The following INTS2 variants were observed in gnomAD, a reference collection of about 807,000 sequenced individuals.
INTS2 encodes the protein integrator complex subunit 2, also known as KIAA1287.
In INTS2, 57 loss-of-function variants were observed where a neutral mutation model predicts 139.6. The ratio of observed to expected loss-of-function variants is 0.41; its 90% CI spans 0.33 to 0.51. The LOEUF (loss-of-function observed/expected upper bound fraction) is 0.51, where lower values mean the gene tolerates loss of function less well. INTS2 is among the 20% of genes least tolerant of loss of function. The pLI is 0.28. For missense variants in INTS2, 1,196 were observed against 1,436.7 expected (o/e 0.83, Z 2.71); for synonymous variants, 473 against 493.4 (o/e 0.96, Z 0.55).
At chr17:61,910,031 T>C (rs1303120760) in intron 7 of INTS2, 2 of 152,194 alleles carry the variant, frequency 1.3e-5, no homozygotes, top group African/African-American at 4.8e-5. Context: ...GCAGTTCTAC[T>C]CTAAGTTCAC....
In INTS2 at chr17:61,897,444, TAGAAAGAA is replaced by T; in HGVS notation, c.1494+17_1494+24del. On this transcript the variant is annotated intron_variant, in intron 11 of 24. Coordinates refer to ENST00000251334, the MANE Select transcript of INTS2 (RefSeq NM_001351695.2). This position sits in a 1 kb window ranked among gnomAD's most constrained non-coding sequence, Gnocchi z 4.4. ...CAGCTTAGAAACACCTTTTTTTTTT[TAGAAAGAA>T]GTTAAAAGAAAATTACCTTCATCCC... is the stretch of plus-strand genomic sequence containing the variant. 7.3e-7 allele frequency: 1 copy of T among 1,361,710 alleles called. No homozygotes were observed. The highest frequency in any genetic ancestry group is 1.0e-6 in the Non-Finnish European group (1 of 996,724). The allele number at this position is 1,361,710 out of a possible 1,614,324, so 84.4% of individuals were successfully genotyped here. A position where few individuals can be genotyped will look rare whatever the true frequency, so the allele number is the denominator to read the frequency against.
In INTS2 at chr17:61,866,264, C is replaced by T. The variant is rs1267974314; in HGVS notation, c.*1293G>A. 1.3e-4 allele frequency: 20 copies of T among 150,686 alleles called. No individual in the cohort carries two copies. The highest frequency in any genetic ancestry group is 1.3e-3 in the Admixed American group (19 of 15,054). 9.3% of individuals were successfully genotyped at this position (150,686 alleles called of 1,614,324 possible). On this transcript the variant is annotated 3_prime_UTR_variant, in exon 25 of 25. Coordinates refer to ENST00000251334, the MANE Select transcript of INTS2 (RefSeq NM_001351695.2). ...CCCAGCTACTCAGGAGGTTGAGGCA[C>T]GAGAATCCCTTGAACCCAGGTGGCA...
intron 5 of INTS2, among the ~76,000 whole-genome samples, chr17:61,916,614 T>C (rs1030683182): frequency 1.3e-5 from 2 of 152,156 alleles, no homozygotes; most frequent in African/African-American, 2.4e-5. Context: ...AGAATGAAAC[T>C]AGACCCTATC....
rs2079037927 is a variant in INTS2 at position 61,865,575 on chromosome 17, A to G, written c.*1982T>C. 6.6e-6 allele frequency: 1 copy of G among 152,652 alleles called. No homozygotes were observed. Among genetic ancestry groups the G allele is most frequent in the Non-Finnish European group, 1.5e-5 (1 of 68,028 alleles). The allele number at this position is 152,652 out of a possible 1,614,324, so 9.5% of individuals were successfully genotyped here. ...AAAGAGCATATGTGATTATTTTAACACAGCAGGTTATGACCAGTCTTTGAA... is the reference window on the plus strand; with the variant it reads ...AAAGAGCATATGTGATTATTTTAACGCAGCAGGTTATGACCAGTCTTTGAA... On this transcript the variant is annotated 3_prime_UTR_variant, in exon 25 of 25. Coordinates refer to ENST00000251334, the MANE Select transcript of INTS2 (RefSeq NM_001351695.2). The surrounding 1 kb of genome is among the most constrained non-coding windows in gnomAD (Gnocchi z 4.8).
intron 15 of INTS2, among the ~76,000 whole-genome samples, chr17:61,888,005 T>C (rs1489493128): frequency 2.0e-5 from 3 of 151,910 alleles, no homozygotes; most frequent in African/African-American, 7.3e-5. Context: ...TGAGCCAAGA[T>C]CGCACCACTG....
chr17:61,880,326 G>A (rs2079166624), intron 17 of INTS2, among the ~76,000 whole-genome samples: 1 of 151,966 alleles, frequency 6.6e-6, no homozygotes, highest in Non-Finnish European at 1.5e-5. Context: ...GATTACAGGC[G>A]TGAGCCACCA....
chr17:61,922,291 T>C (rs923461554), intron 3 of INTS2, among the ~76,000 whole-genome samples: 2 of 151,474 alleles, frequency 1.3e-5, no homozygotes, highest in African/African-American at 4.8e-5. Flanking sequence ...GCCAACATGG[T>C]GAAACCCTGT....
chr17:61,916,863 C>G (rs918840129), intron 5 of INTS2, among the ~76,000 whole-genome samples: 1 of 152,086 alleles, frequency 6.6e-6, no homozygotes, highest in Non-Finnish European at 1.5e-5. Context: ...AAACAATCTA[C>G]AGAATGGGAG....
chr17:61,897,711 C>G lies in INTS2; in HGVS notation c.1336G>C (p.Val446Leu). 1 of 1,608,484 alleles carries G rather than the reference C, an allele frequency of 6.2e-7. No individual in the cohort carries two copies. The highest frequency in any genetic ancestry group is 8.5e-7 in the Non-Finnish European group (1 of 1,177,134). Reference sequence around the variant, plus strand: ...TCTTTTATCATCCAACTTAGCCACACCACCATCAGCTGCTCCTGTTCAGGT... The same window carrying G: ...TCTTTTATCATCCAACTTAGCCACAGCACCATCAGCTGCTCCTGTTCAGGT... The part of the protein sequence containing the change: ...STPEQEQLMV[V>L]WLSWMIKEEA... Residue 446 changes from valine (V) to leucine (L), a missense_variant, in exon 10 of 25, where the codon GTG becomes CTG. By Grantham distance (32) the Val-to-Leu change is conservative (BLOSUM62 1). This residue lies in a region of INTS2 where 1,129 missense variants were observed against 1,341.9 expected (regional missense o/e 0.84). Coordinates refer to ENST00000251334, the MANE Select transcript of INTS2 (RefSeq NM_001351695.2). This position sits in a 1 kb window ranked among gnomAD's most constrained non-coding sequence, Gnocchi z 4.4.
At chr17:61,925,526 G>C (rs1222567790) in intron 2 of INTS2, among the ~76,000 whole-genome samples, 1 of 151,090 alleles carries the variant, frequency 6.6e-6, no homozygotes, top group East Asian at 2.0e-4. Context: ...GCAGTGAGCC[G>C]AGATCACGCC....
At chr17:61,912,141 A>C in intron 5 of INTS2, 71 bp from the exon 6 acceptor site, 1 of 1,513,032 alleles carries the variant, frequency 6.6e-7, no homozygotes. Flanking sequence ...ATGACAGAAG[A>C]AAAGGATCAG....
chr17:61,883,712 A>G (rs1181088548), intron 16 of INTS2, among the ~76,000 whole-genome samples: 1 of 151,578 alleles, frequency 6.6e-6, no homozygotes, highest in Admixed American at 6.6e-5. Flanking sequence ...AGATCGCACC[A>G]CAGTACTCCA....
chr17:61,901,736 G>A (rs1034719160), intron 9 of INTS2, among the ~76,000 whole-genome samples: 5 of 151,348 alleles, frequency 3.3e-5, no homozygotes, highest in African/African-American at 1.2e-4. Context: ...GACTGCAGGC[G>A]CCCGCCACCA....
Position 61,927,733 on chromosome 17 carries a change from C to T in INTS2, c.-98G>A. ...GGCGGGACGCGGCAGAAATCGAGAG[C>T]GCGGTCCGATGTTGGGCCTAGGCGA... On this transcript the variant is annotated 5_prime_UTR_variant, in exon 1 of 25. Transcript: ENST00000251334. 6.8e-7 allele frequency: 1 copy of T among 1,465,000 alleles called. No individual in the cohort carries two copies. The highest frequency in any genetic ancestry group is 1.4e-5 in the African/African-American group (1 of 70,716). The allele number at this position is 1,465,000 out of a possible 1,614,324, so 90.8% of individuals were successfully genotyped here.
rs778450854 is a variant in INTS2 at position 61,911,500 on chromosome 17, T to C, written c.954+20A>G. On this transcript the variant is annotated intron_variant, in intron 7 of 24. Coordinates refer to ENST00000251334, the MANE Select transcript of INTS2 (RefSeq NM_001351695.2). Reference sequence around the variant, plus strand: ...CTAAAGTATTCTGATCCTTAGCCTATACAGATATTTAACCCTCACCTGCTG... The same window carrying C: ...CTAAAGTATTCTGATCCTTAGCCTACACAGATATTTAACCCTCACCTGCTG... 1.2e-6 allele frequency: 2 copies of C among 1,610,804 alleles called. No homozygotes were observed. The highest frequency in any genetic ancestry group is 1.1e-5 in the South Asian group (1 of 90,886).
intron 3 of INTS2, among the ~76,000 whole-genome samples, chr17:61,923,739 G>A (rs2079677439): frequency 6.6e-6 from 1 of 151,636 alleles, no homozygotes; most frequent in Non-Finnish European, 1.5e-5. Context: ...GAGTGCAATG[G>A]CACAATCTCG....
intron 5 of INTS2, among the ~76,000 whole-genome samples, chr17:61,918,051 G>A (rs2079600940): frequency 6.6e-6 from 1 of 151,992 alleles, no homozygotes; most frequent in Non-Finnish European, 1.5e-5. Flanking sequence ...GAAGAAATAG[G>A]CAAATCCACA....
intron 16 of INTS2, among the ~76,000 whole-genome samples, chr17:61,883,528 T>G (rs1172773482): frequency 6.6e-6 from 1 of 151,624 alleles, no homozygotes; most frequent in Non-Finnish European, 1.5e-5. Context: ...CTGACGTGGG[T>G]GGATCACCTG....
In INTS2 at chr17:61,896,260, A is replaced by C. The variant is rs867517056; in HGVS notation, c.1495-877T>G. Among the ~76,000 whole-genome samples, 231 of 151,502 alleles carry C rather than the reference A, an allele frequency of 1.5e-3. 2 individuals carry two copies. The highest frequency in any genetic ancestry group is 0.01 in the Middle Eastern group (3 of 290). ...ATCTCAAAAAAAAAAAACAAAAAAA[A>C]AACATTTAATATACTACATAAAAAT... On this transcript the variant is annotated intron_variant, in intron 11 of 24. Coordinates refer to ENST00000251334, the MANE Select transcript of INTS2 (RefSeq NM_001351695.2).
Sources: allele counts gnomAD v4.1 joint callset (sites outside exome capture counted in the v4.1 genomes callset), GRCh38; gene constraint gnomAD v4.1.1; regional missense constraint gnomAD v4.1.1; non-coding constraint Gnocchi (gnomAD v3.1); transcripts MANE v1.5; gene names NCBI Gene and HGNC (gene_info 2026-07-23, HGNC 2026-07-21).